The following ZNF143 variants were observed in gnomAD, a reference collection of about 807,000 sequenced individuals.
ZNF143 encodes SPH-binding factor.
Under a neutral mutation model 74.1 loss-of-function variants are expected in ZNF143, and 49 were observed. The observed-to-expected ratio is 0.66, with a 90% CI of 0.53 to 0.84. The LOEUF is 0.84. ZNF143 is among the 40% of genes least tolerant of loss of function. ZNF143 has a pLI of 0.00. For synonymous variants in ZNF143, 304 were observed against 282.8 expected (o/e 1.07, Z -0.75); for missense variants, 637 against 793.4 (o/e 0.80, Z 2.37).
At chr11:9,518,628 A>G (rs1234505876) in intron 14 of ZNF143, among the ~76,000 whole-genome samples, 1 of 152,050 alleles carries the variant, frequency 6.6e-6, no homozygotes, top group Non-Finnish European at 1.5e-5. Context: ...GAGGCAGGAG[A>G]ATCGCTTGAA....
intron 7 of ZNF143, among the ~76,000 whole-genome samples, chr11:9,493,291 C>T (rs1238729643): frequency 1.3e-5 from 2 of 151,858 alleles, no homozygotes; most frequent in South Asian, 2.1e-4. Context: ...AGGATGGTCT[C>T]GATCTCTTGA....
At chr11:9,463,698 G>A (rs1856009614) in intron 1 of ZNF143, 1 of 152,164 alleles carries the variant, frequency 6.6e-6, no homozygotes, top group Admixed American at 6.5e-5. Context: ...TACATGGTTT[G>A]CAAAATGTCC....
chr11:9,472,254 CT>C (rs1184234147), intron 2 of ZNF143, among the ~76,000 whole-genome samples: 1 of 151,536 alleles, frequency 6.6e-6, no homozygotes, highest in Non-Finnish European at 1.5e-5. Context: ...CTAAATCTCA[CT>C]TTTTTTCTTT....
At chr11:9,463,070 A>T (rs1855968723) in intron 1 of ZNF143, among the ~76,000 whole-genome samples, 1 of 152,220 alleles carries the variant, frequency 6.6e-6, no homozygotes, top group Non-Finnish European at 1.5e-5. Flanking sequence ...ATCACAAAGT[A>T]TGTAGCCTTG....
Position 9,497,053 on chromosome 11 carries a change from C to T in ZNF143, c.842-622C>T, listed in dbSNP as rs1243119322. On this transcript the variant is annotated intron_variant, in intron 9 of 15. Coordinates refer to ENST00000396602, the MANE Select transcript of ZNF143 (RefSeq NM_003442.6). ...GCATCCAGCAGGGCTGGGACTGGCACCAGGCCTGCTGACTTCCATTCTTCA... is the reference window on the plus strand; with the variant it reads ...GCATCCAGCAGGGCTGGGACTGGCATCAGGCCTGCTGACTTCCATTCTTCA... 2.0e-5 allele frequency among the ~76,000 whole-genome samples: 3 copies of T among 152,322 alleles called. No homozygotes were observed. The East Asian group carries it at 5.8e-4, about 29-fold the overall frequency.
Position 9,488,716 on chromosome 11 carries a change from A to G in ZNF143, c.646-5930A>G, listed in dbSNP as rs142130648. Among the ~76,000 whole-genome samples, 1,030 of 152,316 alleles carry G rather than the reference A, an allele frequency of 6.8e-3. 14 individuals carry two copies. The highest frequency in any genetic ancestry group is 0.023 in the African/African-American group (957 of 41,570). ...GACTGAGAGCCCTACAAAGGCAGGAACAGTATTTTATTTATCATTTTAGAA... is the reference window on the plus strand; with the variant it reads ...GACTGAGAGCCCTACAAAGGCAGGAGCAGTATTTTATTTATCATTTTAGAA... On this transcript the variant is annotated intron_variant, in intron 7 of 15. Transcript: ENST00000396602.
intron 1 of ZNF143, 71 bp downstream of exon 1, chr11:9,461,147 CGCGGGCCCGCTTGGGCCCGG>C (rs1855794905): frequency 1.1e-6 from 1 of 950,470 alleles, no homozygotes; most frequent in African/African-American, 1.8e-5. Context: ...AGCGCGGCGG[CGCGGGCCCGCTTGGGCCCGG>C]GCTCCGGCTC....
chr11:9,524,459 T>G (rs1321368183), intron 14 of ZNF143, among the ~76,000 whole-genome samples: 2 of 152,208 alleles, frequency 1.3e-5, no homozygotes, highest in Admixed American at 1.3e-4. Context: ...TTATTGGGAT[T>G]GATCCAAGCT....
intron 7 of ZNF143, among the ~76,000 whole-genome samples, chr11:9,490,060 T>G (rs1056322163): frequency 6.6e-6 from 1 of 152,052 alleles, no homozygotes; most frequent in Non-Finnish European, 1.5e-5. Flanking sequence ...GGTACTCACC[T>G]GTTGTCCTAA....
chr11:9,478,726 A>C (rs897390779), intron 6 of ZNF143, 140 bp downstream of exon 6: 2 of 877,510 alleles, frequency 2.3e-6, no homozygotes, highest in African/African-American at 3.4e-5. Flanking sequence ...GCTCACGCCT[A>C]TAACTTCCCA....
At chr11:9,489,467 A>G (rs1490406322) in intron 7 of ZNF143, among the ~76,000 whole-genome samples, 2 of 152,198 alleles carry the variant, frequency 1.3e-5, no homozygotes, top group Non-Finnish European at 2.9e-5. Context: ...AAAAACAAGT[A>G]CATTTTTGGA....
intron 13 of ZNF143, among the ~76,000 whole-genome samples, chr11:9,515,387 T>A (rs1160903883): frequency 2.0e-5 from 3 of 151,862 alleles, no homozygotes; most frequent in African/African-American, 7.3e-5. Context: ...TGGTGGCTCA[T>A]GCCTGTAATC....
chr11:9,472,276 G>A (rs1856621578), intron 2 of ZNF143, among the ~76,000 whole-genome samples: 1 of 149,574 alleles, frequency 6.7e-6, no homozygotes, highest in Non-Finnish European at 1.5e-5. Flanking sequence ...TTTTTGAGAC[G>A]GAGTCTGGCT....
chr11:9,501,042 C>T lies in ZNF143; in HGVS notation c.968-49C>T, dbSNP rs117292214. 6.8e-3 allele frequency: 10,748 copies of T among 1,592,124 alleles called. 48 individuals are homozygous for T. Among genetic ancestry groups the T allele is most frequent in the Non-Finnish European group, 8.1e-3 (9,372 of 1,161,510 alleles). On this transcript the variant is annotated intron_variant, in intron 10 of 15. Transcript: ENST00000396602. ...GGATTGAAGGATAAGACATTTTAAT[C>T]CTCTATATATTTTTGCACCATTTAA...
At chr11:9,474,066 T>C (rs951335149) in intron 4 of ZNF143, 42 bp downstream of exon 4, 1 of 1,516,428 alleles carries the variant, frequency 6.6e-7, no homozygotes, top group Non-Finnish European at 9.2e-7. Flanking sequence ...ATTTTAATTC[T>C]CAGCTTTTAG....
chr11:9,487,851 A>G (rs1462387804), intron 7 of ZNF143, among the ~76,000 whole-genome samples: 2 of 152,126 alleles, frequency 1.3e-5, no homozygotes, highest in African/African-American at 4.8e-5. Flanking sequence ...ATGCTGCATA[A>G]CCCTGAAATA....
At chr11:9,522,893 C>CT (rs1848986942) in intron 14 of ZNF143, among the ~76,000 whole-genome samples, 1 of 151,876 alleles carries the variant, frequency 6.6e-6, no homozygotes, top group African/African-American at 2.4e-5. Context: ...TCCCGAGTAG[C>CT]TGGGACTACA....
chr11:9,486,348 T>C (rs1847475187), intron 7 of ZNF143, among the ~76,000 whole-genome samples: 1 of 62,338 alleles, frequency 1.6e-5, no homozygotes, highest in Non-Finnish European at 3.0e-5. Flanking sequence ...ATATTATATA[T>C]ATATTATATA....
At chr11:9,476,873 C>A (rs577944996) in intron 5 of ZNF143, among the ~76,000 whole-genome samples, 3 of 143,186 alleles carry the variant, frequency 2.1e-5, no homozygotes, top group African/African-American at 5.1e-5. Context: ...CATTCTCCTG[C>A]CTCAGCCTTC....
Sources: gnomAD v4.1 joint callset for allele counts (sites outside exome capture counted in the v4.1 genomes callset) on GRCh38, gnomAD v4.1.1 for gene constraint, MANE v1.5 for transcripts, NCBI Gene and HGNC (gene_info 2026-07-23, HGNC 2026-07-21) for gene names.